The following CDH12 variants were observed in gnomAD, a reference collection of about 807,000 sequenced individuals.
CDH12 encodes cadherin-12.
CDH12 carries 41 observed loss-of-function variants against 74.1 expected under a neutral mutation model. The observed-to-expected ratio is 0.55, with a 90% CI of 0.43 to 0.72. The LOEUF is 0.72. Among genes scored for constraint, CDH12 ranks in the 30% least tolerant of loss-of-function variants. CDH12 has a pLI of 0.00. For synonymous variants in CDH12, 399 were observed against 355.0 expected, an observed-to-expected ratio of 1.12 and a Z score of -1.39; for missense variants, 945 against 977.2, an observed-to-expected ratio of 0.97 and a Z score of 0.44.
intron 1 of CDH12, among the ~76,000 whole-genome samples, chr5:22,723,456 G>A (rs1197196218): frequency 6.6e-6 from 1 of 152,098 alleles, no homozygotes; most frequent in Non-Finnish European, 1.5e-5. Context: ...CTTGATAGTA[G>A]ATAGAGCAAT....
intron 7 of CDH12, among the ~76,000 whole-genome samples, 162 bp downstream of exon 7, chr5:21,854,509 C>T (rs1187933039): frequency 1.3e-5 from 2 of 151,668 alleles, no homozygotes; most frequent in South Asian, 2.1e-4. Context: ...AAATGGAGAT[C>T]GTTCTTCAGC....
intron 5 of CDH12, among the ~76,000 whole-genome samples, chr5:22,005,922 T>C (rs138064472): frequency 3.4e-4 from 51 of 152,212 alleles, no homozygotes; most frequent in African/African-American, 1.2e-3. Flanking sequence ...GCCAACCCTT[T>C]ACCTTTGCAG....
intron 6 of CDH12, among the ~76,000 whole-genome samples, chr5:21,867,504 T>G (rs1579864237): frequency 6.6e-6 from 1 of 152,208 alleles, no homozygotes; most frequent in East Asian, 1.9e-4. Context: ...ACTTCTTGCA[T>G]CAGTGTGACC....
chr5:22,349,396 T>C (rs1005070106), intron 3 of CDH12, among the ~76,000 whole-genome samples: 3 of 152,174 alleles, frequency 2.0e-5, no homozygotes, highest in African/African-American at 4.8e-5. Context: ...AAATTATAAT[T>C]TCTCTTTCTC....
chr5:22,704,085 A>G (rs1266135163), intron 1 of CDH12, among the ~76,000 whole-genome samples: 1 of 152,132 alleles, frequency 6.6e-6, no homozygotes, highest in Non-Finnish European at 1.5e-5. Context: ...ACTTGGGTTT[A>G]CATTTGATGT....
intron 4 of CDH12, among the ~76,000 whole-genome samples, chr5:22,180,971 T>C (rs1391636470): frequency 6.6e-6 from 1 of 152,142 alleles, no homozygotes; most frequent in Non-Finnish European, 1.5e-5. Flanking sequence ...CTTTGATGTA[T>C]TTGACATTGA....
chr5:22,516,301 A>G (rs1329760363), intron 1 of CDH12, among the ~76,000 whole-genome samples: 2 of 152,218 alleles, frequency 1.3e-5, no homozygotes, highest in African/African-American at 4.8e-5. Context: ...GATTTTAAAA[A>G]TGGAATATAA....
At chr5:22,586,193 A>T (rs1289987269) in intron 1 of CDH12, among the ~76,000 whole-genome samples, 1 of 152,128 alleles carries the variant, frequency 6.6e-6, no homozygotes, top group East Asian at 1.9e-4. Context: ...CTTTGTAGGG[A>T]CATGGATGAA....
chr5:22,408,088 C>T (rs188930645), intron 2 of CDH12, among the ~76,000 whole-genome samples: 13 of 152,140 alleles, frequency 8.5e-5, no homozygotes, highest in East Asian at 7.7e-4. Flanking sequence ...TGTAAAGCCT[C>T]ATTAATCACT....
chr5:21,963,671 T>G (rs1424442712), intron 6 of CDH12, among the ~76,000 whole-genome samples: 2 of 152,150 alleles, frequency 1.3e-5, no homozygotes, highest in Non-Finnish European at 2.9e-5. Flanking sequence ...ATATGACTTA[T>G]GTCCTTCAGA....
At chr5:22,349,361 T>A (rs1212457150) in intron 3 of CDH12, among the ~76,000 whole-genome samples, 1 of 152,296 alleles carries the variant, frequency 6.6e-6, no homozygotes, top group South Asian at 2.1e-4. Flanking sequence ...ACAAAGCAGA[T>A]TATACCTAAA....
intron 3 of CDH12, among the ~76,000 whole-genome samples, chr5:22,358,356 G>A (rs959888479): frequency 7.2e-5 from 11 of 151,860 alleles, no homozygotes; most frequent in Non-Finnish European, 1.5e-4. Context: ...TGCAGTGAGT[G>A]AAGATCATCC....
chr5:22,647,740 G>A (rs1014600890), intron 1 of CDH12, among the ~76,000 whole-genome samples: 2 of 151,900 alleles, frequency 1.3e-5, no homozygotes, highest in Admixed American at 1.3e-4. Context: ...GGACACAATA[G>A]CAAGTTCCTA....
chr5:22,265,776 A>T (rs1753681577), intron 3 of CDH12, among the ~76,000 whole-genome samples: 1 of 152,108 alleles, frequency 6.6e-6, no homozygotes, highest in South Asian at 2.1e-4. Flanking sequence ...CCCATTCTTA[A>T]GGAGTCCTAA....
intron 3 of CDH12, among the ~76,000 whole-genome samples, chr5:22,223,996 T>A (rs557363435): frequency 6.6e-6 from 1 of 152,100 alleles, no homozygotes; most frequent in South Asian, 2.1e-4. Context: ...AGGAAATAAT[T>A]GGGAACACAG....
intron 5 of CDH12, among the ~76,000 whole-genome samples, chr5:22,071,874 T>C (rs1741962437): frequency 6.6e-6 from 1 of 152,140 alleles, no homozygotes; most frequent in Non-Finnish European, 1.5e-5. Flanking sequence ...TTTTTATTCT[T>C]CCCTTTCTTT....
At chr5:22,573,600 T>G (rs1034010174) in intron 1 of CDH12, among the ~76,000 whole-genome samples, 1 of 152,190 alleles carries the variant, frequency 6.6e-6, no homozygotes, top group Admixed American at 6.5e-5. Context: ...AATTAAAATT[T>G]TAGTTTCAAT....
intron 1 of CDH12, among the ~76,000 whole-genome samples, chr5:22,658,711 C>A (rs10941967): frequency 0.59 from 90,171 of 151,858 alleles, 26,993 homozygotes; most frequent in Admixed American, 0.67. Flanking sequence ...GGTCGAGTGA[C>A]TCTTTATCGC....
chr5:22,646,253 C>G, intron 1 of CDH12, among the ~76,000 whole-genome samples: 1 of 151,798 alleles, frequency 6.6e-6, no homozygotes, highest in East Asian at 1.9e-4. Flanking sequence ...CTTGACTTTT[C>G]TTTCAGAGAA....
Sources: allele counts gnomAD v4.1 joint callset (sites outside exome capture counted in the v4.1 genomes callset), GRCh38; gene constraint gnomAD v4.1.1; transcripts MANE v1.5; gene names NCBI Gene and HGNC (gene_info 2026-07-23, HGNC 2026-07-21).